The following ABCC1 variants were observed in gnomAD, a reference collection of about 807,000 sequenced individuals.
The protein encoded by ABCC1 is ATP binding cassette subfamily C member 1 (ABCC1 blood group).
A neutral mutation model predicts 172.9 loss-of-function variants in ABCC1; 83 were observed. That is an observed-to-expected ratio of 0.48 (90% confidence interval 0.40 to 0.58). The LOEUF (loss-of-function observed/expected upper bound fraction) is 0.58, where lower values mean the gene tolerates loss of function less well. Ranked by LOEUF, ABCC1 falls within the 20% of genes least tolerant of loss-of-function variation. The pLI, the probability that ABCC1 is intolerant of heterozygous loss-of-function variation, is 0.00. For synonymous variants in ABCC1, 937 were observed against 825.2 expected, an observed-to-expected ratio of 1.14 and a Z score of -2.32; for missense variants, 1,817 against 2,002.7, an observed-to-expected ratio of 0.91 and a Z score of 1.77.
At chr16:16,083,186 G>C (rs578173699) in intron 16 of ABCC1, among the ~76,000 whole-genome samples, 180 bp from the exon 17 acceptor site, 5 of 152,300 alleles carry the variant, frequency 3.3e-5, no homozygotes, top group Non-Finnish European at 4.4e-5. Context: ...TGTGGGTTCT[G>C]ATCCCAGCCC....
At chr16:15,970,411 T>C (rs535642327) in intron 1 of ABCC1, among the ~76,000 whole-genome samples, 2 of 152,360 alleles carry the variant, frequency 1.3e-5, no homozygotes, top group East Asian at 1.9e-4. Context: ...CTGGGAAATG[T>C]AGTTTCCTTT....
chr16:16,112,773 C>G (rs2044679436), intron 22 of ABCC1, among the ~76,000 whole-genome samples: 1 of 152,214 alleles, frequency 6.6e-6, no homozygotes, highest in Non-Finnish European at 1.5e-5. Flanking sequence ...AATGGATAGT[C>G]TTGACACATT....
intron 12 of ABCC1, among the ~76,000 whole-genome samples, chr16:16,057,807 G>T (rs369300339): frequency 2.0e-5 from 3 of 151,874 alleles, no homozygotes; most frequent in African/African-American, 7.3e-5. Flanking sequence ...ATGGGGTCTC[G>T]CTCTGTCCCC....
intron 5 of ABCC1, among the ~76,000 whole-genome samples, chr16:16,017,273 T>A (rs1363259035): frequency 6.6e-6 from 1 of 152,146 alleles, no homozygotes. Context: ...CTCTGTTGCC[T>A]AGGCTGGAGT....
At chr16:16,004,353 A>T (rs2047439442) in intron 1 of ABCC1, among the ~76,000 whole-genome samples, 1 of 152,152 alleles carries the variant, frequency 6.6e-6, no homozygotes, top group Admixed American at 6.5e-5. Context: ...TTTTCTTTCT[A>T]GCAGGGCACA....
At chr16:15,954,826 C>T (rs998175468) in intron 1 of ABCC1, among the ~76,000 whole-genome samples, 1 of 152,158 alleles carries the variant, frequency 6.6e-6, no homozygotes, top group Non-Finnish European at 1.5e-5. Flanking sequence ...TGTTTGTGGA[C>T]ACAACTTTTA....
chr16:16,017,967 A>C (rs556229131), intron 5 of ABCC1, among the ~76,000 whole-genome samples: 109 of 152,222 alleles, frequency 7.2e-4, no homozygotes, highest in African/African-American at 2.6e-3. Flanking sequence ...AGGCTAAGAG[A>C]CAGTGGGTGC....
intron 1 of ABCC1, among the ~76,000 whole-genome samples, chr16:15,972,841 G>C (rs215087): frequency 0.68 from 96,160 of 141,570 alleles, 32,757 homozygotes; most frequent in South Asian, 0.79. Flanking sequence ...CTCTGTTGCC[G>C]AGGCTAGAGT....
intron 12 of ABCC1, among the ~76,000 whole-genome samples, chr16:16,062,576 A>G (rs968885421): frequency 2.0e-5 from 3 of 152,170 alleles, no homozygotes; most frequent in Non-Finnish European, 4.4e-5. Flanking sequence ...TTCCAGAGAC[A>G]GAGTTTGTTG....
chr16:15,950,342 T>G (rs2045840333), intron 1 of ABCC1, among the ~76,000 whole-genome samples: 1 of 152,042 alleles, frequency 6.6e-6, no homozygotes, highest in African/African-American at 2.4e-5. Flanking sequence ...GCTTTGTTTT[T>G]TTTGTTCTTT....
chr16:15,967,490 C>T (rs1425280750), intron 1 of ABCC1, among the ~76,000 whole-genome samples: 2 of 151,820 alleles, frequency 1.3e-5, no homozygotes, highest in African/African-American at 4.8e-5. Flanking sequence ...GTCGTCTGAT[C>T]CCAGCACTTA....
At chr16:16,105,820 T>C (rs1320822981) in intron 20 of ABCC1, among the ~76,000 whole-genome samples, 1 of 149,556 alleles carries the variant, frequency 6.7e-6, no homozygotes, top group African/African-American at 2.5e-5. Context: ...GGCGACGCAA[T>C]CTGTGATCAT....
intron 12 of ABCC1, among the ~76,000 whole-genome samples, chr16:16,063,586 TAAGAG>T (rs901001689): frequency 1.3e-5 from 2 of 152,028 alleles, no homozygotes; most frequent in Non-Finnish European, 2.9e-5. Flanking sequence ...TCAACTAGAG[TAAGAG>T]AAGAGGGGGA....
intron 16 of ABCC1, among the ~76,000 whole-genome samples, chr16:16,080,473 C>G (rs1440877880): frequency 6.6e-6 from 1 of 152,108 alleles, no homozygotes; most frequent in Non-Finnish European, 1.5e-5. Context: ...TACAAATAAT[C>G]CCCACTGGAA....
intron 1 of ABCC1, among the ~76,000 whole-genome samples, chr16:15,955,351 G>C (rs1207082244): frequency 1.3e-5 from 2 of 152,036 alleles, no homozygotes; most frequent in Admixed American, 6.6e-5. Flanking sequence ...GTGAGACTCT[G>C]TCTCAAAAAA....
intron 5 of ABCC1, among the ~76,000 whole-genome samples, chr16:16,031,044 T>G (rs1167352259): frequency 1.3e-5 from 2 of 152,082 alleles, no homozygotes; most frequent in Non-Finnish European, 2.9e-5. Flanking sequence ...AGACGAGGTT[T>G]CATCATGTTG....
chr16:16,003,533 AGGTG>A (rs2047399228), intron 1 of ABCC1, among the ~76,000 whole-genome samples: 1 of 120,704 alleles, frequency 8.3e-6, no homozygotes, highest in African/African-American at 3.1e-5. Flanking sequence ...ATGAATTGGT[AGGTG>A]GGTGGATGGA....
intron 1 of ABCC1, among the ~76,000 whole-genome samples, chr16:15,993,657 G>T (rs948033428): frequency 2.0e-5 from 3 of 150,008 alleles, no homozygotes; most frequent in African/African-American, 7.4e-5. Context: ...GGTTGAAGAA[G>T]CCCTGCTTGA....
intron 27 of ABCC1, among the ~76,000 whole-genome samples, chr16:16,132,338 A>C (rs959796407): frequency 4.8e-5 from 7 of 146,846 alleles, no homozygotes; most frequent in East Asian, 4.2e-4. Context: ...GCACCTGGCT[A>C]ATTTTTGTAT....
Sources: allele counts gnomAD v4.1 joint callset (sites outside exome capture counted in the v4.1 genomes callset), GRCh38; gene constraint gnomAD v4.1.1; transcripts MANE v1.5; gene names NCBI Gene and HGNC (gene_info 2026-07-23, HGNC 2026-07-21).